The following EMP1 variants were observed in gnomAD, a reference collection of about 807,000 sequenced individuals.
The protein encoded by EMP1 is epithelial membrane protein 1, also known as tumor-associated membrane protein.
In EMP1, 5 loss-of-function variants were observed where a neutral mutation model predicts 15.7. The observed-to-expected ratio is 0.32, with a 90% CI of 0.17 to 0.67. EMP1 has a LOEUF of 0.67. Among genes scored for constraint, EMP1 ranks in the 30% least tolerant of loss-of-function variants. The probability of loss-of-function intolerance (pLI) is 0.74; values close to 1 mark genes in which losing one functional copy is unlikely to be tolerated. For synonymous variants in EMP1, 78 were observed against 76.7 expected, an observed-to-expected ratio of 1.02 and a Z score of -0.09; for missense variants, 166 against 194.2, an observed-to-expected ratio of 0.85 and a Z score of 0.86.
chr12:13,198,979 A>C (rs1250032385), intron 1 of EMP1, among the ~76,000 whole-genome samples: 2 of 148,690 alleles, frequency 1.3e-5, no homozygotes, highest in Non-Finnish European at 3.0e-5. Flanking sequence ...TCCCACCCTC[A>C]GGGGCAGATC....
intron 1 of EMP1, among the ~76,000 whole-genome samples, chr12:13,199,964 C>CTTTTTTTTTTTT (rs60389913): frequency 3.7e-5 from 4 of 107,606 alleles, no homozygotes; most frequent in Admixed American, 8.9e-5. Flanking sequence ...TCTTCTTCTT[C>CTTTTTTTTTTTT]TTTTTTTTTT....
At chr12:13,212,859 A>G (rs189402848) in intron 2 of EMP1, among the ~76,000 whole-genome samples, 168 of 152,356 alleles carry the variant, frequency 1.1e-3, no homozygotes, top group Non-Finnish European at 2.0e-3. Context: ...GTCTGGGGGA[A>G]TCCATTCAGG....
At chr12:13,203,016 A>G (rs1318495833) in intron 1 of EMP1, among the ~76,000 whole-genome samples, 4 of 152,102 alleles carry the variant, frequency 2.6e-5, no homozygotes, top group African/African-American at 4.8e-5. Flanking sequence ...AATGACCTCA[A>G]TGCCTCTCAA....
intron 1 of EMP1, among the ~76,000 whole-genome samples, chr12:13,200,854 C>A (rs568661396): frequency 6.6e-6 from 1 of 152,168 alleles, no homozygotes; most frequent in South Asian, 2.1e-4. Context: ...GCTGTTGGTG[C>A]GCTTGGACTT....
chr12:13,209,806 C>T (rs920214747), intron 1 of EMP1, among the ~76,000 whole-genome samples: 1 of 152,078 alleles, frequency 6.6e-6, no homozygotes, highest in Non-Finnish European at 1.5e-5. Flanking sequence ...GTGCTAGAAC[C>T]TGAGAAAAGC....
chr12:13,214,330 T>C lies in EMP1; in HGVS notation c.317-204T>C, dbSNP rs575816638. On this transcript the variant is annotated intron_variant, in intron 4 of 4. Coordinates refer to ENST00000256951, the MANE Select transcript of EMP1 (RefSeq NM_001423.3). ...GTGGCCACACAAACCAGTGCAGACA[T>C]GAGAGCCCAGACACCTCTAATTTAT... The C allele has an allele frequency of 8.4e-5, 57 of 679,582 alleles. No homozygotes were observed. The African/African-American group carries it at 1.0e-3, about 12-fold the overall frequency. 42.1% of individuals were successfully genotyped at this position (679,582 alleles called of 1,614,324 possible).
At chr12:13,214,354 AT>A in intron 4 of EMP1, 179 bp from the exon 5 acceptor site, 1 of 787,370 alleles carries the variant, frequency 1.3e-6, no homozygotes, top group Admixed American at 2.9e-5. Context: ...CCTCTAATTT[AT>A]CAACATACCG....
At chr12:13,207,402 T>C (rs974692331) in intron 1 of EMP1, among the ~76,000 whole-genome samples, 4 of 152,218 alleles carry the variant, frequency 2.6e-5, no homozygotes, top group African/African-American at 9.7e-5. Context: ...ATCTGAATAC[T>C]GAATGGTCAG....
intron 1 of EMP1, among the ~76,000 whole-genome samples, chr12:13,201,415 A>C (rs1196442991): frequency 1.3e-5 from 2 of 152,134 alleles, no homozygotes; most frequent in Non-Finnish European, 2.9e-5. Context: ...CTCAAAAAAA[A>C]CAAAAACAAA....
At position 13,215,061 on chromosome 12, in the gene EMP1, A is replaced by G. The variant is rs1864202269; in HGVS notation, c.*370A>G. On this transcript the variant is annotated 3_prime_UTR_variant, in exon 5 of 5. Coordinates refer to ENST00000256951, the MANE Select transcript of EMP1 (RefSeq NM_001423.3). ...GTCCACAGACCTACTGCACTGAGTT[A>G]AAATAGCGGTACAAGTTCTGGCAAG... 1.4e-5 allele frequency: 3 copies of G among 218,092 alleles called. No homozygotes were observed. The South Asian group carries it at 2.4e-4, about 17-fold the overall frequency. The allele number at this position is 218,092 out of a possible 1,614,324, so 13.5% of individuals were successfully genotyped here.
Position 13,219,563 on chromosome 12 carries a change from G to A in EMP1, c.*4872G>A, listed in dbSNP as rs1369521033. 6.6e-6 allele frequency: 1 copy of A among 152,090 alleles called. No individual in the cohort carries two copies. The highest frequency in any genetic ancestry group is 1.5e-5 in the Non-Finnish European group (1 of 68,008). The allele number at this position is 152,090 out of a possible 1,614,324, so 9.4% of individuals were successfully genotyped here. A position where few individuals can be genotyped will look rare whatever the true frequency, so the allele number is the denominator to read the frequency against. ...GCCCCACTCCTGGTACCAAATTCCT[G>A]TATTAGTCTGTTTTCACACTGCTAT... On this transcript the variant is annotated 3_prime_UTR_variant, in exon 5 of 5. Coordinates refer to ENST00000256951, the MANE Select transcript of EMP1 (RefSeq NM_001423.3).
In EMP1 at chr12:13,214,562, C is replaced by G. The variant is rs776580348; in HGVS notation, c.345C>G (p.Ile115Met). 1 of 1,614,060 alleles carries G rather than the reference C, an allele frequency of 6.2e-7. No individual in the cohort carries two copies. The highest frequency in any genetic ancestry group is 8.5e-7 in the Non-Finnish European group (1 of 1,179,982). ...CWLCILVGVS[I>M]YTSHYANRDG... Reference sequence around the variant, plus strand: ...TGTGCATTCTTGTGGGGGTGTCCATCTACACTAGTCATTATGCGAATCGTG... The same window carrying G: ...TGTGCATTCTTGTGGGGGTGTCCATGTACACTAGTCATTATGCGAATCGTG... Residue 115 changes from isoleucine (I) to methionine (M), a missense_variant, in exon 5 of 5, where the codon ATC becomes ATG. Coordinates refer to ENST00000256951, the MANE Select transcript of EMP1 (RefSeq NM_001423.3).
In EMP1 at chr12:13,211,461, C is replaced by CT; in HGVS notation, c.-42-4dup. 1 of 1,591,050 alleles carries CT rather than the reference C, an allele frequency of 6.3e-7. No homozygotes were observed. Among genetic ancestry groups the CT allele is most frequent in the Non-Finnish European group, 8.6e-7 (1 of 1,167,182 alleles). ...TAACCGTTTTTGTCCCTTTCTTTTT[C>CT]TTTTCAGAACTCTCTTTGCTCACAA... On this transcript the variant is annotated splice_polypyrimidine_tract_variant and splice_region_variant and intron_variant, in intron 1 of 4. Coordinates refer to ENST00000256951, the MANE Select transcript of EMP1 (RefSeq NM_001423.3). This position sits in a 1 kb window ranked among gnomAD's most constrained non-coding sequence, Gnocchi z 4.7.
chr12:13,214,250 G>A (rs939874647), intron 4 of EMP1: 1 of 595,272 alleles, frequency 1.7e-6, no homozygotes, highest in Non-Finnish European at 3.0e-6. Context: ...GACCCACAAG[G>A]GCCAGACAGG....
At position 13,213,778 on chromosome 12, in the gene EMP1, G is replaced by T; in HGVS notation, c.273G>T (p.Lys91Asn). The T allele has an allele frequency of 6.2e-7, 1 of 1,614,184 alleles. No homozygotes were observed. The highest frequency in any genetic ancestry group is 1.1e-5 in the South Asian group (1 of 91,082). Residue 91 changes from lysine to asparagine, a missense_variant, in exon 4 of 5, where the codon AAG becomes AAT. Coordinates refer to ENST00000256951, the MANE Select transcript of EMP1 (RefSeq NM_001423.3). ...TGTTCCAGCTCTTCACCATGGAGAA[G>T]GGAAACCGGTTCTTCCTCTCAGGGG... ...VFVFQLFTMEKGNRFFLSGAT... is the reference protein window; with the variant it reads ...VFVFQLFTMENGNRFFLSGAT...
chr12:13,203,653 C>A (rs1864085867), intron 1 of EMP1, among the ~76,000 whole-genome samples: 1 of 152,248 alleles, frequency 6.6e-6, no homozygotes, highest in Non-Finnish European at 1.5e-5. Flanking sequence ...TGTGTGGCCC[C>A]CACTCTGTGC....
chr12:13,218,354 T>C lies in EMP1; in HGVS notation c.*3663T>C, dbSNP rs1314644407. ...AAAGGAAGAAACTCCCTTCAATGTT[T>C]ACTAAGAAATAGTTAGAATATAGCA... On this transcript the variant is annotated 3_prime_UTR_variant, in exon 5 of 5. Coordinates refer to ENST00000256951, the MANE Select transcript of EMP1 (RefSeq NM_001423.3). The C allele has an allele frequency of 6.6e-6, 1 of 152,238 alleles. No individual in the cohort carries two copies. Among genetic ancestry groups the C allele is most frequent in the Non-Finnish European group, 1.5e-5 (1 of 68,050 alleles). 9.4% of individuals were successfully genotyped at this position (152,238 alleles called of 1,614,324 possible).
intron 1 of EMP1, among the ~76,000 whole-genome samples, chr12:13,198,280 T>C (rs1864032159): frequency 6.6e-6 from 1 of 152,204 alleles, no homozygotes; most frequent in African/African-American, 2.4e-5. Context: ...TTTCTTTTTT[T>C]CGGTTAGCAT....
Position 13,218,466 on chromosome 12 carries a change from G to A in EMP1, c.*3775G>A, listed in dbSNP as rs964564720. 4.6e-5 allele frequency: 7 copies of A among 152,354 alleles called. No homozygotes were observed. The highest frequency in any genetic ancestry group is 7.2e-5 in the African/African-American group (3 of 41,572). The allele number at this position is 152,354 out of a possible 1,614,324, so 9.4% of individuals were successfully genotyped here. On this transcript the variant is annotated 3_prime_UTR_variant, in exon 5 of 5. Transcript: ENST00000256951. The stretch of plus-strand genomic sequence containing the variant: ...TTTTGTGGGGGGAGAGAAGGGAATA[G>A]GATAGGCTGGTGGGAGGAAGAATGA...
Sources: allele counts gnomAD v4.1 joint callset (sites outside exome capture counted in the v4.1 genomes callset), GRCh38; gene constraint gnomAD v4.1.1; non-coding constraint Gnocchi (gnomAD v3.1); transcripts MANE v1.5; gene names NCBI Gene and HGNC (gene_info 2026-07-23, HGNC 2026-07-21).